ASH1L: variants seen among roughly 807,000 people sequenced by gnomAD.
ASH1L encodes histone-lysine N-methyltransferase ASH1L.
Under a neutral mutation model 269.0 loss-of-function variants are expected in ASH1L, and 23 were observed. The ratio of observed to expected loss-of-function variants is 0.09; its 90% CI spans 0.06 to 0.12. The LOEUF is 0.12. Ranked by LOEUF, ASH1L falls within the 10% of genes least tolerant of loss-of-function variation. The probability of loss-of-function intolerance (pLI) is 1.00; values close to 1 mark genes in which losing one functional copy is unlikely to be tolerated. For missense variants in ASH1L, 2,912 were observed against 3,567.8 expected (o/e 0.82, Z 4.68); for synonymous variants, 1,187 against 1,253.5 (o/e 0.95, Z 1.12).
At chr1:155,487,289 T>C (rs1570958708) in intron 2 of ASH1L, among the ~76,000 whole-genome samples, 1 of 152,074 alleles carries the variant, frequency 6.6e-6, no homozygotes, top group South Asian at 2.1e-4. Flanking sequence ...TATTATGATA[T>C]TAAAAATAAA....
At chr1:155,462,048 C>T (rs1664343479) in intron 3 of ASH1L, among the ~76,000 whole-genome samples, 1 of 152,208 alleles carries the variant, frequency 6.6e-6, no homozygotes, top group South Asian at 2.1e-4. Flanking sequence ...GATCCGCCCG[C>T]CTCAGCCTCC....
intron 2 of ASH1L, among the ~76,000 whole-genome samples, chr1:155,494,087 G>T (rs1370829203): frequency 6.6e-6 from 1 of 152,156 alleles, no homozygotes; most frequent in Non-Finnish European, 1.5e-5. Context: ...TGGAGGAATT[G>T]AAAAGGCCAG....
intron 6 of ASH1L, among the ~76,000 whole-genome samples, chr1:155,414,211 T>C (rs1366056005): frequency 1.3e-5 from 2 of 152,186 alleles, no homozygotes; most frequent in Non-Finnish European, 2.9e-5. Context: ...ATTCCATTTA[T>C]TTTCCACCCT....
rs1468316796 is a variant in ASH1L at position 155,354,250 on chromosome 1, C to A, written c.7213+223G>T. Among the ~76,000 whole-genome samples the A allele has an allele frequency of 1.1e-4, 17 of 152,196 alleles. 1 individual carries two copies. Among genetic ancestry groups the A allele is most frequent in the Non-Finnish European group, 1.9e-4 (13 of 68,046 alleles). ...AGGAGGTCAGGAGTTCGAGACCAGC[C>A]TGGCCAACATGGCAAAACCCCCTCT... On this transcript the variant is annotated intron_variant, in intron 16 of 27. Coordinates refer to ENST00000392403, the MANE Select transcript of ASH1L (RefSeq NM_018489.3).
At chr1:155,458,505 A>G (rs939070116) in intron 4 of ASH1L, among the ~76,000 whole-genome samples, 2 of 152,234 alleles carry the variant, frequency 1.3e-5, no homozygotes, top group Non-Finnish European at 2.9e-5. Flanking sequence ...ATCTGAGGTC[A>G]GGAGTTCGAG....
At chr1:155,427,733 C>T (rs989224875) in intron 5 of ASH1L, among the ~76,000 whole-genome samples, 2 of 152,152 alleles carry the variant, frequency 1.3e-5, no homozygotes, top group African/African-American at 4.8e-5. Context: ...GCCACTGCAC[C>T]CGGCCCCTGA....
At chr1:155,390,871 G>A (rs552744154) in intron 7 of ASH1L, among the ~76,000 whole-genome samples, 13 of 150,958 alleles carry the variant, frequency 8.6e-5, no homozygotes, top group East Asian at 2.0e-4. Context: ...GGATGGTTTC[G>A]ATCTCCTGAC....
intron 4 of ASH1L, among the ~76,000 whole-genome samples, chr1:155,443,262 C>T (rs1460069098): frequency 2.0e-5 from 3 of 152,132 alleles, no homozygotes; most frequent in Non-Finnish European, 1.5e-5. Context: ...AAAATGGGTA[C>T]ACACTTTTGA....
chr1:155,391,604 T>C (rs1571082556), intron 7 of ASH1L, among the ~76,000 whole-genome samples: 1 of 152,204 alleles, frequency 6.6e-6, no homozygotes, highest in East Asian at 1.9e-4. Flanking sequence ...GATTGAATTA[T>C]GGACATTATA....
chr1:155,485,855 T>C (rs1378368970), intron 2 of ASH1L, among the ~76,000 whole-genome samples: 3 of 151,676 alleles, frequency 2.0e-5, no homozygotes, highest in Non-Finnish European at 4.4e-5. Context: ...ACAAGAAATA[T>C]AAAAGATGAT....
chr1:155,444,089 T>G (rs1194439534), intron 4 of ASH1L, among the ~76,000 whole-genome samples: 2 of 150,592 alleles, frequency 1.3e-5, no homozygotes, highest in African/African-American at 4.9e-5. Context: ...GTTCAAGTGA[T>G]TCTCCTGCCT....
chr1:155,338,541 A>G, intron 26 of ASH1L, 151 bp from the exon 27 acceptor site: 2 of 602,212 alleles, frequency 3.3e-6, no homozygotes, highest in Non-Finnish European at 5.6e-6. Flanking sequence ...TTCACTTTAT[A>G]TTATTTGAAT....
chr1:155,487,749 G>A (rs1666428107), intron 2 of ASH1L, among the ~76,000 whole-genome samples: 1 of 152,054 alleles, frequency 6.6e-6, no homozygotes, highest in African/African-American at 2.4e-5. Context: ...TCGCTGAGCT[G>A]TTACATTTAT....
chr1:155,339,398 T>C, intron 25 of ASH1L, 30 bp from the exon 26 acceptor site: 1 of 1,611,016 alleles, frequency 6.2e-7, no homozygotes. Context: ...GAGGTAAGCA[T>C]ATTGTAGAAG....
chr1:155,354,642 GA>G lies in ASH1L; in HGVS notation c.7056-13del, dbSNP rs762261188. 5.0e-6 allele frequency: 8 copies of G among 1,593,234 alleles called. No individual in the cohort carries two copies. In the South Asian group the frequency reaches 6.9e-5, roughly 14 times the overall value. Reference sequence around the variant, plus strand: ...TTAACACAAAGTTCCTGCAAGGAAGGAAAAAAAATCTTCCTTTATTCATTAA... The same window carrying G: ...TTAACACAAAGTTCCTGCAAGGAAGGAAAAAAATCTTCCTTTATTCATTAA... On this transcript the variant is annotated splice_polypyrimidine_tract_variant and intron_variant, in intron 15 of 27. Coordinates refer to ENST00000392403, the MANE Select transcript of ASH1L (RefSeq NM_018489.3).
intron 1 of ASH1L, among the ~76,000 whole-genome samples, chr1:155,539,604 C>T (rs1416156869): frequency 6.6e-6 from 1 of 152,058 alleles, no homozygotes; most frequent in East Asian, 1.9e-4. Flanking sequence ...ACACACCAAC[C>T]ATGCCCAGCC....
At chr1:155,551,073 A>G (rs1420744099) in intron 1 of ASH1L, among the ~76,000 whole-genome samples, 1 of 152,012 alleles carries the variant, frequency 6.6e-6, no homozygotes, top group Non-Finnish European at 1.5e-5. Flanking sequence ...CCCCCACCTC[A>G]GCCTCCCAAA....
At chr1:155,507,647 G>T (rs2148811176) in intron 2 of ASH1L, among the ~76,000 whole-genome samples, 1 of 152,324 alleles carries the variant, frequency 6.6e-6, no homozygotes. Context: ...CAAGGCAGGA[G>T]GATCGATTCA....
intron 21 of ASH1L, chr1:155,345,959 G>C (rs1010894945): frequency 2.9e-6 from 1 of 350,744 alleles, no homozygotes; most frequent in Non-Finnish European, 5.5e-6. Context: ...AGCCACCCAA[G>C]TACCTGAGAC....
Sources: gnomAD v4.1 joint callset for allele counts (sites outside exome capture counted in the v4.1 genomes callset) on GRCh38, gnomAD v4.1.1 for gene constraint, MANE v1.5 for transcripts, NCBI Gene and HGNC (gene_info 2026-07-23, HGNC 2026-07-21) for gene names.